The following RB1CC1 variants were observed in gnomAD, a reference collection of about 807,000 sequenced individuals.
RB1CC1 encodes the protein RB1-inducible coiled-coil protein 1.
Under a neutral mutation model 177.5 loss-of-function variants are expected in RB1CC1, and 46 were observed. That is an observed-to-expected ratio of 0.26 (90% confidence interval 0.20 to 0.33). RB1CC1 has a LOEUF of 0.33. Among genes scored for constraint, RB1CC1 ranks in the 10% least tolerant of loss-of-function variants. The pLI is 1.00. For missense variants in RB1CC1, 1,703 were observed against 1,816.3 expected (o/e 0.94, Z 1.13); for synonymous variants, 666 against 613.6 (o/e 1.09, Z -1.26).
intron 18 of RB1CC1, among the ~76,000 whole-genome samples, chr8:52,641,015 C>T (rs979444673): frequency 6.6e-6 from 1 of 152,068 alleles, no homozygotes; most frequent in South Asian, 2.1e-4. Context: ...TCTGAGTGGG[C>T]AGGGGTGGGG....
chr8:52,713,190 G>A (rs1274652096), intron 1 of RB1CC1, among the ~76,000 whole-genome samples: 1 of 152,192 alleles, frequency 6.6e-6, no homozygotes, highest in African/African-American at 2.4e-5. Flanking sequence ...CCATCTGGCT[G>A]AATGTCTCGT....
At chr8:52,665,373 T>A (rs1851978554) in intron 8 of RB1CC1, among the ~76,000 whole-genome samples, 1 of 152,186 alleles carries the variant, frequency 6.6e-6, no homozygotes, top group African/African-American at 2.4e-5. Context: ...TGATTTTGCT[T>A]CTATGGCAGG....
rs201226644 is a variant in RB1CC1 at position 52,675,372 on chromosome 8, G to GA, written c.572+996dup. 7.7e-3 allele frequency among the ~76,000 whole-genome samples: 1,165 copies of GA among 150,662 alleles called. 11 individuals carry two copies. Among genetic ancestry groups the GA allele is most frequent in the African/African-American group, 0.027 (1,099 of 41,104 alleles). On this transcript the variant is annotated intron_variant, in intron 6 of 23. Coordinates refer to ENST00000025008, the MANE Select transcript of RB1CC1 (RefSeq NM_014781.5). ...TAATGCAAGGTCAAGATAATTAAAAGAAAAAAAAATCTACAGATCCAAAAC... is the reference window on the plus strand; with the variant it reads ...TAATGCAAGGTCAAGATAATTAAAAGAAAAAAAAAATCTACAGATCCAAAAC...
chr8:52,628,290 A>T, intron 21 of RB1CC1, 122 bp from the exon 22 acceptor site: 1 of 1,000,248 alleles, frequency 1.0e-6, no homozygotes, highest in South Asian at 1.6e-5. Context: ...ATTAAATTTC[A>T]CATTTACATG....
At chr8:52,637,352 A>T (rs1034108920) in intron 18 of RB1CC1, among the ~76,000 whole-genome samples, 1 of 152,144 alleles carries the variant, frequency 6.6e-6, no homozygotes, top group African/African-American at 2.4e-5. Flanking sequence ...TCATTTTTGG[A>T]TGATTCATTG....
In RB1CC1 at chr8:52,655,326, TATTA is replaced by T. The variant is rs528617810; in HGVS notation, c.3821+678_3821+681del. 5.3e-5 allele frequency among the ~76,000 whole-genome samples: 8 copies of T among 152,286 alleles called. No individual in the cohort carries two copies. In the East Asian group the frequency reaches 1.5e-3, roughly 29 times the overall value. ...GAATTCATGATAGAATGAATTGACA[TATTA>T]ATTATGTTCTAGAAACTGTTTACTG... On this transcript the variant is annotated intron_variant, in intron 15 of 23. Transcript: ENST00000025008.
chr8:52,623,659 T>C lies in RB1CC1; in HGVS notation c.*123A>G, dbSNP rs1590891021. 1.1e-5 allele frequency: 8 copies of C among 710,596 alleles called. No individual in the cohort carries two copies. The East Asian group carries it at 2.2e-4, about 19-fold the overall frequency. 44.0% of individuals were successfully genotyped at this position (710,596 alleles called of 1,614,324 possible). On this transcript the variant is annotated 3_prime_UTR_variant, in exon 24 of 24. Coordinates refer to ENST00000025008, the MANE Select transcript of RB1CC1 (RefSeq NM_014781.5). ...TTAAAAAGTAAACGATGTACACCAGTGAAGTATATTGTCACGCTGACTTTT... is the reference window on the plus strand; with the variant it reads ...TTAAAAAGTAAACGATGTACACCAGCGAAGTATATTGTCACGCTGACTTTT...
intron 12 of RB1CC1, 141 bp from the exon 13 acceptor site, chr8:52,659,117 C>G: frequency 4.3e-6 from 2 of 468,924 alleles, no homozygotes; most frequent in Non-Finnish European, 7.6e-6. Context: ...CAAAAAAAGA[C>G]CATTCAATAA....
chr8:52,685,189 G>A (rs906389581), intron 3 of RB1CC1, among the ~76,000 whole-genome samples: 2 of 151,674 alleles, frequency 1.3e-5, no homozygotes, highest in Non-Finnish European at 2.9e-5. Context: ...TTTTTAGTAG[G>A]AACGGGGTTT....
intron 20 of RB1CC1, among the ~76,000 whole-genome samples, chr8:52,634,380 G>A (rs780378673): frequency 2.6e-5 from 4 of 151,940 alleles, no homozygotes; most frequent in South Asian, 2.1e-4. Flanking sequence ...AAAATTAGCC[G>A]GGTGTGACGG....
In RB1CC1 at chr8:52,657,421, A is replaced by G. The variant is rs1260807667; in HGVS notation, c.2408T>C (p.Val803Ala). ...SLNVQLERCR[V>A]VAQDSHFSIQ... The stretch of plus-strand genomic sequence containing the variant: ...ACTGAAGTGAGAGTCTTGGGCAACA[A>G]CTCTACATCTTTCCAACTGGACATT... The change falls in exon 15 of 24, where the codon GTT (valine) becomes GCT (alanine). Residue 803 changes from valine to alanine, a missense_variant. Around this residue, in one of 6 missense-constraint regions of RB1CC1, gnomAD observed 1,169 missense variants for 1,184.7 expected, o/e 0.99. Coordinates refer to ENST00000025008, the MANE Select transcript of RB1CC1 (RefSeq NM_014781.5). 1 of 1,613,752 alleles carries G rather than the reference A, an allele frequency of 6.2e-7. No homozygotes were observed. Among genetic ancestry groups the G allele is most frequent in the Admixed American group, 1.7e-5 (1 of 60,012 alleles).
chr8:52,649,825 A>T (rs1047043610), intron 15 of RB1CC1, among the ~76,000 whole-genome samples: 1 of 152,242 alleles, frequency 6.6e-6, no homozygotes, highest in African/African-American at 2.4e-5. Context: ...ACAAAGGTAC[A>T]GGAGAAAGCT....
intron 5 of RB1CC1, among the ~76,000 whole-genome samples, chr8:52,682,417 A>G (rs1256613137): frequency 6.6e-6 from 1 of 152,158 alleles, no homozygotes; most frequent in Non-Finnish European, 1.5e-5. Context: ...ACTGATATAG[A>G]ATGCTTGGTA....
In RB1CC1 at chr8:52,696,104, G is replaced by A. The variant is rs186146322; in HGVS notation, c.-166-9137C>T. Among the ~76,000 whole-genome samples, 122 of 152,258 alleles carry A rather than the reference G, an allele frequency of 8.0e-4. 1 individual carries two copies. The highest frequency in any genetic ancestry group is 2.8e-3 in the African/African-American group (116 of 41,546). On this transcript the variant is annotated intron_variant, in intron 1 of 23. Coordinates refer to ENST00000025008, the MANE Select transcript of RB1CC1 (RefSeq NM_014781.5). Reference sequence around the variant, plus strand: ...TTGTCGCCCAGACTGGAGTGCAATGGCACAATCTCGGCTCACTGCAACCTC... The same window carrying A: ...TTGTCGCCCAGACTGGAGTGCAATGACACAATCTCGGCTCACTGCAACCTC...
At position 52,636,017 on chromosome 8, in the gene RB1CC1, G is replaced by C; in HGVS notation, c.4390C>G (p.Arg1464Gly). 1 of 1,607,332 alleles carries C rather than the reference G, an allele frequency of 6.2e-7. No homozygotes were observed. The change falls in exon 19 of 24, where the codon CGA becomes GGA. Residue 1464 changes from arginine to glycine, a missense_variant and splice_region_variant. Arg to Gly is a moderately radical substitution (Grantham distance 125, BLOSUM62 -2). Transcript: ENST00000025008. Reference sequence around the variant, plus strand: ...CTTCAAGAAGATAATTTACTTACTCGTTCTAACAGCATTATCCGCTGTTTT... The same window carrying C: ...CTTCAAGAAGATAATTTACTTACTCCTTCTAACAGCATTATCCGCTGTTTT... Reference protein sequence around the residue: ...EEKQRIMLLERTLQLKEEENK... With the variant: ...EEKQRIMLLEGTLQLKEEENK...
chr8:52,709,548 G>A (rs1856882021), intron 1 of RB1CC1, among the ~76,000 whole-genome samples: 1 of 152,082 alleles, frequency 6.6e-6, no homozygotes, highest in African/African-American at 2.4e-5. Flanking sequence ...AGACCAGCCT[G>A]GGAAACATGG....
chr8:52,704,199 T>C (rs1276741426), intron 1 of RB1CC1, among the ~76,000 whole-genome samples: 1 of 152,084 alleles, frequency 6.6e-6, no homozygotes, highest in East Asian at 1.9e-4. Flanking sequence ...TGAATCTCAG[T>C]TTCGTCATCT....
At position 52,673,927 on chromosome 8, in the gene RB1CC1, G is replaced by C. The variant is rs780810361; in HGVS notation, c.920C>G (p.Ser307Cys). 6.2e-7 allele frequency: 1 copy of C among 1,614,068 alleles called. No individual in the cohort carries two copies. Among genetic ancestry groups the C allele is most frequent in the Non-Finnish European group, 8.5e-7 (1 of 1,179,998 alleles). ...TTGAACATTTATCCAGTCTAACAAA[G>C]AGACATTAAAAAAGGGCAGATCACC... ...KDGDLPFFNV[S>C]LLDWINVQDR... The change falls in exon 7 of 24, where the codon TCT becomes TGT. Residue 307 changes from serine to cysteine, a missense_variant. Transcript: ENST00000025008.
rs1216001053 is a variant in RB1CC1, at chr8:52,686,599, G to A, written c.-52+254C>T. 2.0e-5 allele frequency among the ~76,000 whole-genome samples: 3 copies of A among 152,100 alleles called. No individual in the cohort carries two copies. The East Asian group carries it at 5.8e-4, about 29-fold the overall frequency. ...AAAATAATGACATAAAAAGGGGACA[G>A]ATTTCATGGTCTAGCATTTTACTTT... is the stretch of plus-strand genomic sequence containing the variant. On this transcript the variant is annotated intron_variant, in intron 2 of 23. Coordinates refer to ENST00000025008, the MANE Select transcript of RB1CC1 (RefSeq NM_014781.5).
Sources: gnomAD v4.1 joint callset for allele counts (sites outside exome capture counted in the v4.1 genomes callset) on GRCh38, gnomAD v4.1.1 for gene constraint, gnomAD v4.1.1 regional missense constraint, MANE v1.5 for transcripts, NCBI Gene and HGNC (gene_info 2026-07-23, HGNC 2026-07-21) for gene names.